Variants in GRK3 observed in about 807,000 individuals in gnomAD.
GRK3 encodes the protein G protein-coupled receptor kinase 3.
Under a neutral mutation model 95.7 loss-of-function variants are expected in GRK3, and 54 were observed. The ratio of observed to expected loss-of-function variants is 0.56; its 90% CI spans 0.45 to 0.71. GRK3 has a LOEUF of 0.71. Ranked by LOEUF, GRK3 falls within the 30% of genes least tolerant of loss-of-function variation. The pLI, the probability that GRK3 is intolerant of heterozygous loss-of-function variation, is 0.00. For synonymous variants in GRK3, 281 were observed against 290.8 expected (o/e 0.97, Z 0.34); for missense variants, 649 against 851.2 (o/e 0.76, Z 2.96).
chr22:25,671,688 G>T (rs2084984098), intron 6 of GRK3, among the ~76,000 whole-genome samples: 1 of 152,198 alleles, frequency 6.6e-6, no homozygotes, highest in African/African-American at 2.4e-5. Flanking sequence ...AATAGTACCT[G>T]GCTGTAGAGT....
intron 1 of GRK3, among the ~76,000 whole-genome samples, chr22:25,588,462 G>C (rs1932390100): frequency 6.6e-6 from 1 of 152,198 alleles, no homozygotes; most frequent in Non-Finnish European, 1.5e-5. Flanking sequence ...ATAAGAAACT[G>C]AGGAAACTCA....
chr22:25,604,515 A>G, intron 2 of GRK3, 62 bp downstream of exon 2: 1 of 1,189,052 alleles, frequency 8.4e-7, no homozygotes, highest in Non-Finnish European at 1.2e-6. Context: ...GCGATACTAT[A>G]GTAATATATG....
chr22:25,706,267 G>T (rs1470472306), intron 15 of GRK3, among the ~76,000 whole-genome samples: 3 of 152,174 alleles, frequency 2.0e-5, no homozygotes, highest in Non-Finnish European at 4.4e-5. Flanking sequence ...AGGTGTTCTG[G>T]AGTTGGGTGT....
chr22:25,567,483 A>C (rs771722958), intron 1 of GRK3, among the ~76,000 whole-genome samples: 2 of 152,224 alleles, frequency 1.3e-5, no homozygotes, highest in Non-Finnish European at 2.9e-5. Flanking sequence ...GATCCTGTAA[A>C]AAAGTTAATT....
At chr22:25,615,213 G>A (rs2084529180) in intron 2 of GRK3, among the ~76,000 whole-genome samples, 1 of 151,786 alleles carries the variant, frequency 6.6e-6, no homozygotes, top group South Asian at 2.1e-4. Flanking sequence ...ACGTATTTTC[G>A]GAAAAAAAAA....
chr22:25,624,339 G>A (rs1470496083), intron 2 of GRK3, among the ~76,000 whole-genome samples: 2 of 151,938 alleles, frequency 1.3e-5, no homozygotes, highest in South Asian at 2.1e-4. Context: ...CGAGGCGGGC[G>A]GATCACGAGG....
intron 1 of GRK3, 26 bp downstream of exon 1, chr22:25,565,179 G>GCCCCAAGCCGCCGC: frequency 7.6e-7 from 1 of 1,319,352 alleles, no homozygotes; most frequent in African/African-American, 1.5e-5. Flanking sequence ...GCCGGCGCCG[G>GCCCCAAGCCGCCGC]CCCCAAGCCG....
intron 15 of GRK3, among the ~76,000 whole-genome samples, chr22:25,704,863 A>T (rs2085287345): frequency 6.6e-6 from 1 of 152,164 alleles, no homozygotes; most frequent in South Asian, 2.1e-4. Flanking sequence ...TGCATAACTG[A>T]GTAACTGCGA....
intron 2 of GRK3, among the ~76,000 whole-genome samples, chr22:25,620,012 G>A (rs866468167): frequency 9.5e-6 from 1 of 105,200 alleles, no homozygotes; most frequent in Non-Finnish European, 1.9e-5. Flanking sequence ...TTTTTTGTGT[G>A]TGTGTGTGTG....
At chr22:25,692,661 G>A (rs981149857) in intron 12 of GRK3, among the ~76,000 whole-genome samples, 8 of 152,156 alleles carry the variant, frequency 5.3e-5, no homozygotes, top group African/African-American at 1.9e-4. Context: ...TCATCTTCAC[G>A]GAAAGCCCAT....
At chr22:25,680,967 T>C (rs144797449) in intron 9 of GRK3, among the ~76,000 whole-genome samples, 31 of 151,306 alleles carry the variant, frequency 2.0e-4, no homozygotes, top group African/African-American at 7.5e-4. Flanking sequence ...TTTTTTTTAA[T>C]CTCAACTTGA....
At position 25,671,758 on chromosome 22, in the gene GRK3, C is replaced by T. The variant is rs191841972; in HGVS notation, c.504-538C>T. Among the ~76,000 whole-genome samples the T allele has an allele frequency of 2.1e-3, 319 of 152,310 alleles. 3 individuals carry two copies. Among genetic ancestry groups the T allele is most frequent in the Middle Eastern group, 0.01 (3 of 294 alleles). On this transcript the variant is annotated intron_variant, in intron 6 of 20. Coordinates refer to ENST00000324198, the MANE Select transcript of GRK3 (RefSeq NM_005160.4). ...GGCTACTCTTAGAATTATTTGTAAA[C>T]ATTAATTTTTTGTCTTAGAGCTGTG...
intron 2 of GRK3, among the ~76,000 whole-genome samples, chr22:25,625,165 G>A (rs2084617907): frequency 1.3e-5 from 2 of 152,228 alleles, no homozygotes; most frequent in Middle Eastern, 3.4e-3. Context: ...GCAAGAGACC[G>A]AGGACACGAG....
chr22:25,643,427 T>A (rs1475665284), intron 2 of GRK3, among the ~76,000 whole-genome samples: 2 of 152,212 alleles, frequency 1.3e-5, no homozygotes, highest in African/African-American at 4.8e-5. Flanking sequence ...ACAGACCAGT[T>A]CAAGTTACAA....
rs1460061222 is a variant in GRK3 at position 25,725,318 on chromosome 22, A to C, written c.*2868A>C. The C allele has an allele frequency of 2.7e-6, 1 of 375,514 alleles. No individual in the cohort carries two copies. The highest frequency in any genetic ancestry group is 2.1e-5 in the African/African-American group (1 of 48,196). The allele number at this position is 375,514 out of a possible 1,614,324, so 23.3% of individuals were successfully genotyped here. A position where few individuals can be genotyped will look rare whatever the true frequency, so the allele number is the denominator to read the frequency against. ...AATAATTGAGGTTGATATTTTTACA[A>C]AATCATGCGGTAATAAGTCTTGATT... On this transcript the variant is annotated 3_prime_UTR_variant, in exon 21 of 21. Transcript: ENST00000324198.
In GRK3 at chr22:25,726,510, G is replaced by C. The variant is rs1291726763; in HGVS notation, c.*4060G>C. 1.3e-5 allele frequency: 2 copies of C among 152,220 alleles called. No individual in the cohort carries two copies. The highest frequency in any genetic ancestry group is 2.9e-5 in the Non-Finnish European group (2 of 68,062). The allele number at this position is 152,220 out of a possible 1,614,324, so 9.4% of individuals were successfully genotyped here. On this transcript the variant is annotated 3_prime_UTR_variant, in exon 21 of 21. Transcript: ENST00000324198. The stretch of plus-strand genomic sequence containing the variant: ...TTAACACCTCCCACCCTGAGTGAGG[G>C]GTTGACTTGTTGGGAGATGATTTGG...
At chr22:25,577,280 C>T (rs900775363) in intron 1 of GRK3, among the ~76,000 whole-genome samples, 5 of 151,938 alleles carry the variant, frequency 3.3e-5, no homozygotes, top group East Asian at 3.9e-4. Flanking sequence ...TCAACTGATT[C>T]TCCTGCCTCA....
intron 2 of GRK3, among the ~76,000 whole-genome samples, chr22:25,635,607 G>A (rs1230321200): frequency 7.2e-5 from 11 of 151,958 alleles, no homozygotes; most frequent in Admixed American, 5.2e-4. Context: ...CTTAACATTT[G>A]TAAAGACACT....
chr22:25,577,434 C>T (rs1332107532), intron 1 of GRK3, among the ~76,000 whole-genome samples: 1 of 152,184 alleles, frequency 6.6e-6, no homozygotes, highest in Non-Finnish European at 1.5e-5. Context: ...CTCAGCCTCC[C>T]AAAGTGTTGG....
Sources: gnomAD v4.1 joint callset for allele counts (sites outside exome capture counted in the v4.1 genomes callset) on GRCh38, gnomAD v4.1.1 for gene constraint, MANE v1.5 for transcripts, NCBI Gene and HGNC (gene_info 2026-07-23, HGNC 2026-07-21) for gene names.